AVEN: variants seen among roughly 807,000 people sequenced by gnomAD.
AVEN encodes the protein cell death regulator Aven.
Under a neutral mutation model 38.1 loss-of-function variants are expected in AVEN, and 41 were observed. The ratio of observed to expected loss-of-function variants is 1.08; its 90% CI spans 0.84 to 1.40. The LOEUF (loss-of-function observed/expected upper bound fraction) is 1.40. Ranked by LOEUF, AVEN falls within the 40% of genes most tolerant of loss-of-function variation. The pLI, the probability that AVEN is intolerant of heterozygous loss-of-function variation, is 0.00. For missense variants in AVEN, 605 were observed against 438.8 expected (o/e 1.38, Z -3.38); for synonymous variants, 206 against 171.8 (o/e 1.20, Z -1.56).
chr15:33,961,618 T>G (rs8034332), intron 2 of AVEN, among the ~76,000 whole-genome samples: 7 of 151,100 alleles, frequency 4.6e-5, no homozygotes, highest in Non-Finnish European at 2.9e-5. Flanking sequence ...TCGAGACCAT[T>G]CTGGCTAACA....
At chr15:34,040,998 C>T (rs1172392736), upstream of AVEN, among the ~76,000 whole-genome samples, 3 of 151,922 alleles carry the variant, frequency 2.0e-5, no homozygotes, top group Non-Finnish European at 4.4e-5. Flanking sequence ...AAATATCTAC[C>T]AGCATATCAC....
At chr15:33,857,964 C>T (rs760267208), downstream of AVEN, 25 of 1,605,604 alleles carry the variant, frequency 1.6e-5, no homozygotes, top group Admixed American at 1.2e-4. Flanking sequence ...GGGGCCACCC[C>T]GCCCCACCAC....
At chr15:33,946,008 T>C (rs1894497086) in intron 2 of AVEN, among the ~76,000 whole-genome samples, 1 of 152,236 alleles carries the variant, frequency 6.6e-6, no homozygotes, top group South Asian at 2.1e-4. Context: ...AGGAACTGTA[T>C]ATTTTATTCT....
intron 2 of AVEN, among the ~76,000 whole-genome samples, chr15:33,960,443 TGA>T (rs57914477): frequency 2.7e-5 from 4 of 150,464 alleles, no homozygotes; most frequent in Non-Finnish European, 3.0e-5. Context: ...GTTGTGTGTG[TGA>T]GAGAGAGAGA....
intron 5 of AVEN, among the ~76,000 whole-genome samples, chr15:34,051,270 C>A (rs1174215706): frequency 3.4e-5 from 5 of 147,690 alleles, no homozygotes; most frequent in Non-Finnish European, 7.4e-5. Context: ...GAAATTAAGA[C>A]AGAAATCAAG....
intron 2 of AVEN, among the ~76,000 whole-genome samples, chr15:33,983,574 T>G (rs534273887): frequency 2.6e-5 from 4 of 152,222 alleles, no homozygotes; most frequent in African/African-American, 9.6e-5. Context: ...CCTGAACTTT[T>G]AAGGAAAAAC....
At chr15:34,001,346 C>A (rs1207094516) in intron 2 of AVEN, among the ~76,000 whole-genome samples, 1 of 152,124 alleles carries the variant, frequency 6.6e-6, no homozygotes, top group Admixed American at 6.5e-5. Flanking sequence ...TAACTGCCTT[C>A]CAACATTTAT....
chr15:34,019,532 C>G (rs939885283), intron 1 of AVEN, among the ~76,000 whole-genome samples: 1 of 152,190 alleles, frequency 6.6e-6, no homozygotes, highest in African/African-American at 2.4e-5. Flanking sequence ...TATTCACTCA[C>G]CACTCACTCA....
At chr15:33,853,732 C>G in the AVEN span, 3 of 1,577,238 alleles carry the variant, frequency 1.9e-6, no homozygotes, top group Non-Finnish European at 2.6e-6. Flanking sequence ...ATAGATAGAT[C>G]TTTGCTTTTC....
chr15:33,863,600 T>G (rs78061990), downstream of AVEN, among the ~76,000 whole-genome samples: 3 of 152,094 alleles, frequency 2.0e-5, no homozygotes, highest in South Asian at 4.1e-4. Flanking sequence ...AAACCTAAGA[T>G]ATGGATCACA....
At chr15:34,059,430 G>A (rs1455302217) in intron 5 of AVEN, among the ~76,000 whole-genome samples, 1 of 152,086 alleles carries the variant, frequency 6.6e-6, no homozygotes, top group Non-Finnish European at 1.5e-5. Flanking sequence ...CTTCTCTCCG[G>A]ACTAATGCTC....
chr15:34,040,221 G>A (rs74007670), upstream of AVEN, among the ~76,000 whole-genome samples: 3,192 of 152,098 alleles, frequency 0.021, 109 homozygotes, highest in African/African-American at 0.071. Context: ...CCACAAGGAA[G>A]ATAATCTAGT....
At chr15:33,880,172 C>G (rs1427250374) in intron 2 of AVEN, among the ~76,000 whole-genome samples, 2 of 152,132 alleles carry the variant, frequency 1.3e-5, no homozygotes, top group South Asian at 4.2e-4. Flanking sequence ...TTGCTGAGAA[C>G]GAGGAACCAG....
the AVEN span, chr15:33,853,571 G>A: frequency 1.2e-6 from 2 of 1,613,808 alleles, no homozygotes; most frequent in Middle Eastern, 1.7e-4. Flanking sequence ...AACAAGTATG[G>A]AGATCTCTAC....
intron 2 of AVEN, among the ~76,000 whole-genome samples, chr15:33,994,123 T>C (rs1896839498): frequency 6.6e-6 from 1 of 152,220 alleles, no homozygotes; most frequent in Non-Finnish European, 1.5e-5. Flanking sequence ...CCGGGCTGCA[T>C]AGCAGGAGGT....
rs1035543809 is a variant in AVEN, at chr15:34,038,708, C to A, written c.267+72G>T. 4.1e-5 allele frequency: 46 copies of A among 1,112,494 alleles called. No homozygotes were observed. In the African/African-American group the frequency reaches 7.4e-4, roughly 18 times the overall value. The allele number at this position is 1,112,494 out of a possible 1,614,324, so 68.9% of individuals were successfully genotyped here. A position where few individuals can be genotyped will look rare whatever the true frequency, so the allele number is the denominator to read the frequency against. On this transcript the variant is annotated intron_variant, in intron 1 of 5. Transcript: ENST00000306730. ...GCGCCTGGCACGCTCTCTTGCGGCTCTTGACTGGCGGCCTCGGCCCCACTT... is the reference window on the plus strand; with the variant it reads ...GCGCCTGGCACGCTCTCTTGCGGCTATTGACTGGCGGCCTCGGCCCCACTT...
chr15:33,940,921 A>AGTT (rs1894296087), intron 2 of AVEN, among the ~76,000 whole-genome samples: 1 of 152,186 alleles, frequency 6.6e-6, no homozygotes, highest in Non-Finnish European at 1.5e-5. Context: ...ACTTCCAACA[A>AGTT]ACCTCTTGCT....
the AVEN span, chr15:33,853,175 A>C: frequency 9.1e-7 from 1 of 1,103,082 alleles, no homozygotes; most frequent in Non-Finnish European, 1.3e-6. Flanking sequence ...ACATGAGTAA[A>C]TGTGATGCTA....
Position 34,038,769 on chromosome 15 carries a change from T to C in AVEN, c.267+11A>G, listed in dbSNP as rs1899297452. 8.6e-7 allele frequency: 1 copy of C among 1,167,144 alleles called. No individual in the cohort carries two copies. The highest frequency in any genetic ancestry group is 1.1e-6 in the Non-Finnish European group (1 of 948,154). The allele number at this position is 1,167,144 out of a possible 1,614,324, so 72.3% of individuals were successfully genotyped here. A position where few individuals can be genotyped will look rare whatever the true frequency, so the allele number is the denominator to read the frequency against. Reference sequence around the variant, plus strand: ...CACGCGGTCCCAGCCCCACCAGCCGTCGCCTCTTACCGGCGCGCTGGCCCC... The same window carrying C: ...CACGCGGTCCCAGCCCCACCAGCCGCCGCCTCTTACCGGCGCGCTGGCCCC... On this transcript the variant is annotated intron_variant, in intron 1 of 5. Transcript: ENST00000306730.
Sources: gnomAD v4.1 joint callset for allele counts (sites outside exome capture counted in the v4.1 genomes callset) on GRCh38, gnomAD v4.1.1 for gene constraint, MANE v1.5 for transcripts, NCBI Gene and HGNC (gene_info 2026-07-23, HGNC 2026-07-21) for gene names.